FLRT3: variants seen among roughly 807,000 people sequenced by gnomAD.
FLRT3 encodes leucine-rich repeat transmembrane protein FLRT3.
Under a neutral mutation model 42.6 loss-of-function variants are expected in FLRT3, and 17 were observed. That is an observed-to-expected ratio of 0.40 (90% CI 0.27 to 0.60). The LOEUF is 0.60. Among genes scored for constraint, FLRT3 ranks in the 20% least tolerant of loss-of-function variants. The probability of loss-of-function intolerance (pLI) is 0.44; values close to 1 mark genes in which losing one functional copy is unlikely to be tolerated. For missense variants in FLRT3, 635 were observed against 789.2 expected (o/e 0.80, Z 2.34); for synonymous variants, 279 against 286.4 (o/e 0.97, Z 0.26).
rs921270402 is a variant in FLRT3, at chr20:14,325,077, T to G, written c.*480A>C. On this transcript the variant is annotated 3_prime_UTR_variant, in exon 3 of 3. Transcript: ENST00000341420. ...TGGAACATTATTTCATAACCATTTT[T>G]TAAAATTAAATTTTATCTCATTCAG... The G allele has an allele frequency of 1.3e-5, 2 of 152,704 alleles. No individual in the cohort carries two copies. Among genetic ancestry groups the G allele is most frequent in the Non-Finnish European group, 2.9e-5 (2 of 68,116 alleles). The allele number at this position is 152,704 out of a possible 1,614,324, so 9.5% of individuals were successfully genotyped here. A position where few individuals can be genotyped will look rare whatever the true frequency, so the allele number is the denominator to read the frequency against.
chr20:14,331,381 C>G (rs149752554), intron 1 of FLRT3, among the ~76,000 whole-genome samples: 1 of 152,186 alleles, frequency 6.6e-6, no homozygotes, highest in Non-Finnish European at 1.5e-5. Flanking sequence ...ATTTGTGAAG[C>G]TGCTTTCTCT....
rs1474342658 is a variant in FLRT3 at position 14,326,670 on chromosome 20, G to T, written c.837C>A (p.Ser279=). 6.2e-7 allele frequency: 1 copy of T among 1,613,674 alleles called. No individual in the cohort carries two copies. Among genetic ancestry groups the T allele is most frequent in the South Asian group, 1.1e-5 (1 of 91,068 alleles). ...YLRQLYRLDM[S]NNNLSNLPQG... ...GAGGTAAATTACTTAGGTTATTATT[G>T]GACATATCCAGTCGATAGAGCTGCC... The change falls in exon 3 of 3, where the codon TCC becomes TCA. Residue 279 remains serine, a synonymous_variant. Transcript: ENST00000341420. The surrounding 1 kb of genome is among the most constrained non-coding windows in gnomAD (Gnocchi z 5.5).
At chr20:14,332,913 A>C (rs1371532989) in intron 1 of FLRT3, among the ~76,000 whole-genome samples, 1 of 152,164 alleles carries the variant, frequency 6.6e-6, no homozygotes, top group Non-Finnish European at 1.5e-5. Flanking sequence ...TTGCAACAAC[A>C]AACGGTATTT....
At chr20:14,336,137 T>A (rs1291469204) in intron 1 of FLRT3, among the ~76,000 whole-genome samples, 1 of 152,142 alleles carries the variant, frequency 6.6e-6, no homozygotes, top group Admixed American at 6.6e-5. Flanking sequence ...TTTTATGCAG[T>A]CAGAGATAAA....
chr20:14,332,794 C>G (rs2082868750), intron 1 of FLRT3, among the ~76,000 whole-genome samples: 1 of 151,994 alleles, frequency 6.6e-6, no homozygotes, highest in South Asian at 2.1e-4. Context: ...GTGAATATTT[C>G]TAGGTAAACT....
intron 1 of FLRT3, among the ~76,000 whole-genome samples, chr20:14,333,759 C>G (rs1413209398): frequency 6.6e-6 from 1 of 152,124 alleles, no homozygotes; most frequent in Non-Finnish European, 1.5e-5. Context: ...GTGAGACCAC[C>G]TGAAATCATA....
chr20:14,325,393 C>G lies in FLRT3; in HGVS notation c.*164G>C. On this transcript the variant is annotated 3_prime_UTR_variant, in exon 3 of 3. Transcript: ENST00000341420. ...CGCAGCAGTAACCTGAAATTTGAAA[C>G]TTTTAATAAAAAGTTCTTAAATATA... is the stretch of plus-strand genomic sequence containing the variant. 1 of 638,422 alleles carries G rather than the reference C, an allele frequency of 1.6e-6. No homozygotes were observed. The highest frequency in any genetic ancestry group is 3.5e-5 in the South Asian group (1 of 28,946). 39.5% of individuals were successfully genotyped at this position (638,422 alleles called of 1,614,324 possible).
Position 14,325,696 on chromosome 20 carries a change from A to G in FLRT3, c.1811T>C (p.Ile604Thr), listed in dbSNP as rs1212642318. ...FQMLPISNEPISKEEFVIHTI... is the reference protein window; with the variant it reads ...FQMLPISNEPTSKEEFVIHTI... ...GTGTATTACAAACTCCTCCTTCGAG[A>G]TGGGTTCATTGCTTATTGGTAACAT... Residue 604 changes from isoleucine (I) to threonine (T), a missense_variant, in exon 3 of 3, where the codon ATC (isoleucine) becomes ACC (threonine). Ile to Thr is a moderately conservative substitution (Grantham distance 89). Coordinates refer to ENST00000341420, the MANE Select transcript of FLRT3 (RefSeq NM_198391.3). The G allele has an allele frequency of 1.2e-6, 2 of 1,613,812 alleles. No individual in the cohort carries two copies. The highest frequency in any genetic ancestry group is 1.7e-6 in the Non-Finnish European group (2 of 1,179,820).
chr20:14,326,915 G>C lies in FLRT3; in HGVS notation c.592C>G (p.Leu198Val). Residue 198 changes from leucine (L) to valine (V), a missense_variant, in exon 3 of 3, where the codon CTC (leucine) becomes GTC (valine). Transcript: ENST00000341420. This position sits in a 1 kb window ranked among gnomAD's most constrained non-coding sequence, Gnocchi z 5.5. Reference protein sequence around the residue: ...STISSPSLQGLTSLKRLVLDG... With the variant: ...STISSPSLQGVTSLKRLVLDG... ...AGAACCAGGCGTTTTAGACTAGTGA[G>C]ACCTTGAAGAGATGGTGATGAAATA... is the stretch of plus-strand genomic sequence containing the variant. The C allele has an allele frequency of 5.0e-6, 8 of 1,613,774 alleles. No individual in the cohort carries two copies. Among genetic ancestry groups the C allele is most frequent in the Non-Finnish European group, 6.8e-6 (8 of 1,179,812 alleles).
At chr20:14,331,945 G>A (rs2082849716) in intron 1 of FLRT3, among the ~76,000 whole-genome samples, 1 of 152,084 alleles carries the variant, frequency 6.6e-6, no homozygotes, top group African/African-American at 2.4e-5. Flanking sequence ...CTTGAAAGAG[G>A]CCATTACTTC....
rs1346114449 is a variant in FLRT3, at chr20:14,326,857, C to T, written c.650G>A (p.Gly217Asp). The change falls in exon 3 of 3, where the codon GGT becomes GAT. Residue 217 changes from glycine to aspartate, a missense_variant. Transcript: ENST00000341420. This position sits in a 1 kb window ranked among gnomAD's most constrained non-coding sequence, Gnocchi z 5.5. ...AACTAGGTTGAAGAAAACTTTGTCACCTAAACCATGATTGTTCAACAGGTT... is the reference window on the plus strand; with the variant it reads ...AACTAGGTTGAAGAAAACTTTGTCATCTAAACCATGATTGTTCAACAGGTT... ...DGNLLNNHGL[G>D]DKVFFNLVNL... 2 of 1,613,580 alleles carry T rather than the reference C, an allele frequency of 1.2e-6. No individual in the cohort carries two copies. Among genetic ancestry groups the T allele is most frequent in the Non-Finnish European group, 1.7e-6 (2 of 1,179,794 alleles).
In FLRT3 at chr20:14,327,503, T is replaced by C; in HGVS notation, c.4A>G (p.Ile2Val). Reference protein sequence around the residue: MISAAWSIFLIG... With the variant: MVSAAWSIFLIG... ...AGGAAGATGCTCCAGGCTGCGCTGA[T>C]CATGGTCAGCAGTGTTGAGGTCTTT... is the stretch of plus-strand genomic sequence containing the variant. Residue 2 changes from isoleucine (I) to valine (V), a missense_variant, in exon 3 of 3, where the codon ATC becomes GTC. Transcript: ENST00000341420. 1 of 1,611,016 alleles carries C rather than the reference T, an allele frequency of 6.2e-7. No individual in the cohort carries two copies. Among genetic ancestry groups the C allele is most frequent in the Middle Eastern group, 1.7e-4 (1 of 6,040 alleles).
rs867265895 is a variant in FLRT3 at position 14,324,103 on chromosome 20, A to G, written c.*1454T>C. 2 of 152,732 alleles carry G rather than the reference A, an allele frequency of 1.3e-5. No homozygotes were observed. 9.5% of individuals were successfully genotyped at this position (152,732 alleles called of 1,614,324 possible). On this transcript the variant is annotated 3_prime_UTR_variant, in exon 3 of 3. Coordinates refer to ENST00000341420, the MANE Select transcript of FLRT3 (RefSeq NM_198391.3). ...TTTGCTACTTAGTGATAGTAACACA[A>G]TCCTGAAAAAGCAAGCACAATTATT...
chr20:14,336,326 A>C (rs998444970), intron 1 of FLRT3, among the ~76,000 whole-genome samples: 1 of 152,134 alleles, frequency 6.6e-6, no homozygotes, highest in African/African-American at 2.4e-5. Flanking sequence ...AAATTGAAAA[A>C]AAAATCAATT....
chr20:14,333,234 G>A (rs1333057017), intron 1 of FLRT3, among the ~76,000 whole-genome samples: 3 of 152,200 alleles, frequency 2.0e-5, no homozygotes, highest in Admixed American at 6.6e-5. Context: ...GAAAATAGAG[G>A]ATAAAATTTC....
chr20:14,336,032 A>G (rs1433645694), intron 1 of FLRT3, among the ~76,000 whole-genome samples: 5 of 152,118 alleles, frequency 3.3e-5, no homozygotes, highest in African/African-American at 4.8e-5. Context: ...TTCGGAAGAG[A>G]TGAATATTAG....
Position 14,323,358 on chromosome 20 carries a change from A to G in FLRT3, c.*2199T>C, listed in dbSNP as rs1314639939. The G allele has an allele frequency of 6.6e-6, 1 of 152,178 alleles. No homozygotes were observed. Among genetic ancestry groups the G allele is most frequent in the East Asian group, 1.9e-4 (1 of 5,196 alleles). 9.4% of individuals were successfully genotyped at this position (152,178 alleles called of 1,614,324 possible). A position where few individuals can be genotyped will look rare whatever the true frequency, so the allele number is the denominator to read the frequency against. ...TTACAAAGGATCCAGATGGCAGGAA[A>G]CATAAGGTGAGGTCTAGGTGGGCAC... On this transcript the variant is annotated 3_prime_UTR_variant, in exon 3 of 3. Transcript: ENST00000341420.
chr20:14,332,675 A>G (rs577612788), intron 1 of FLRT3, among the ~76,000 whole-genome samples: 16 of 152,250 alleles, frequency 1.1e-4, no homozygotes, highest in Non-Finnish European at 1.9e-4. Flanking sequence ...AAAATATTCA[A>G]TCTAAAATCT....
rs1438830395 is a variant in FLRT3, at chr20:14,326,509, A to G, written c.998T>C (p.Met333Thr). 1.2e-6 allele frequency: 2 copies of G among 1,613,900 alleles called. No homozygotes were observed. Among genetic ancestry groups the G allele is most frequent in the Non-Finnish European group, 1.7e-6 (2 of 1,179,856 alleles). ...ACGAACCTTTTCTGGGGCTTGGCAC[A>G]TGAGCCCACGCACGTTGACCTTCAC... ...LPVKVNVRGL[M>T]CQAPEKVRGM... Residue 333 changes from methionine to threonine, a missense_variant, in exon 3 of 3, where the codon ATG becomes ACG. Met to Thr is a moderately conservative substitution (Grantham distance 81, BLOSUM62 -1). Coordinates refer to ENST00000341420, the MANE Select transcript of FLRT3 (RefSeq NM_198391.3). This position sits in a 1 kb window ranked among gnomAD's most constrained non-coding sequence, Gnocchi z 5.5.
Sources: gnomAD v4.1 joint callset for allele counts (sites outside exome capture counted in the v4.1 genomes callset) on GRCh38, gnomAD v4.1.1 for gene constraint, Gnocchi (gnomAD v3.1) non-coding constraint, MANE v1.5 for transcripts, NCBI Gene and HGNC (gene_info 2026-07-23, HGNC 2026-07-21) for gene names.